TOGARAM1: variants seen among roughly 807,000 people sequenced by gnomAD.
TOGARAM1 encodes TOG array regulator of axonemal microtubules 1, also known as TOG array regulator of axonemal microtubules protein 1.
In TOGARAM1, 100 loss-of-function variants were observed where a neutral mutation model predicts 166.6. The observed-to-expected ratio is 0.60, with a 90% CI of 0.51 to 0.71. The LOEUF (loss-of-function observed/expected upper bound fraction) is 0.71, where lower values mean the gene tolerates loss of function less well. Ranked by LOEUF, TOGARAM1 falls within the 30% of genes least tolerant of loss-of-function variation. The pLI, the probability that TOGARAM1 is intolerant of heterozygous loss-of-function variation, is 0.00. For synonymous variants in TOGARAM1, 758 were observed against 763.8 expected (o/e 0.99, Z 0.13); for missense variants, 2,029 against 2,102.7 (o/e 0.96, Z 0.69).
At position 45,004,295 on chromosome 14, in the gene TOGARAM1, G is replaced by C; in HGVS notation, c.2573G>C (p.Gly858Ala). The C allele has an allele frequency of 1.9e-6, 3 of 1,614,034 alleles. No homozygotes were observed. Among genetic ancestry groups the C allele is most frequent in the Admixed American group, 1.7e-5 (1 of 60,004 alleles). The change falls in exon 4 of 20, where the codon GGA (glycine) becomes GCA (alanine). Residue 858 changes from glycine (G) to alanine (A), a missense_variant. This residue lies in a region of TOGARAM1 where 1,453 missense variants were observed against 1,432.2 expected (regional missense o/e 1.01). Coordinates refer to ENST00000361462, the MANE Select transcript of TOGARAM1 (RefSeq NM_001308120.2). ...TCCTGGCCTCTTAAAAGCTTCGAAG[G>C]ACTATCAAAGCCAAGTCCACAGAAG... ...SNSWPLKSFE[G>A]LSKPSPQKKL...
chr14:45,045,714 TACAC>T (rs1386921181), intron 13 of TOGARAM1, among the ~76,000 whole-genome samples: 3 of 131,738 alleles, frequency 2.3e-5, no homozygotes, highest in East Asian at 4.1e-4. Flanking sequence ...TGTATATATA[TACAC>T]ATATATACAC....
chr14:44,976,603 T>A (rs922763595), intron 1 of TOGARAM1, among the ~76,000 whole-genome samples: 3 of 152,126 alleles, frequency 2.0e-5, no homozygotes, highest in African/African-American at 7.2e-5. Flanking sequence ...TTATCTCAAG[T>A]GTAGATCATT....
At position 44,974,522 on chromosome 14, in the gene TOGARAM1, T is replaced by C. The variant is rs1253230327; in HGVS notation, c.2046+10055T>C. ...TCTAGTTATGATGCTTGTTCTGTCT[T>C]TTCAGACTTTGTTTTTCCCTTTTAC... On this transcript the variant is annotated intron_variant, in intron 1 of 19. Transcript: ENST00000361462. Among the ~76,000 whole-genome samples the C allele has an allele frequency of 4.6e-5, 7 of 152,146 alleles. No homozygotes were observed. The East Asian group carries it at 1.2e-3, about 25-fold the overall frequency.
chr14:45,041,772 G>C (rs1017809931), intron 11 of TOGARAM1, among the ~76,000 whole-genome samples: 2 of 151,922 alleles, frequency 1.3e-5, no homozygotes, highest in Non-Finnish European at 2.9e-5. Flanking sequence ...TTTTGTCTTT[G>C]TTTGTTTGAG....
chr14:45,004,173 C>G lies in TOGARAM1; in HGVS notation c.2451C>G (p.Ser817=), dbSNP rs766119873. 2 of 1,614,046 alleles carry G rather than the reference C, an allele frequency of 1.2e-6. No individual in the cohort carries two copies. The highest frequency in any genetic ancestry group is 1.7e-6 in the Non-Finnish European group (2 of 1,179,980). Reference sequence around the variant, plus strand: ...GTCCAGGAGCTTACATCCTTCCATCCTATCCTGTCTCATCACCTCGAACTA... The same window carrying G: ...GTCCAGGAGCTTACATCCTTCCATCGTATCCTGTCTCATCACCTCGAACTA... ...NPSPGAYILP[S]YPVSSPRTSP... Residue 817 remains serine (S), a synonymous_variant, in exon 4 of 20, where the codon TCC becomes TCG. Coordinates refer to ENST00000361462, the MANE Select transcript of TOGARAM1 (RefSeq NM_001308120.2).
chr14:44,967,423 A>G (rs779001080), intron 1 of TOGARAM1, among the ~76,000 whole-genome samples: 9 of 152,072 alleles, frequency 5.9e-5, no homozygotes, highest in Non-Finnish European at 1.2e-4. Context: ...AAAGTTTAAG[A>G]TTTCGTTACA....
In TOGARAM1 at chr14:45,004,214, C is replaced by A. The variant is rs746338197; in HGVS notation, c.2492C>A (p.Ser831Tyr). 6.2e-7 allele frequency: 1 copy of A among 1,613,936 alleles called. No individual in the cohort carries two copies. Among genetic ancestry groups the A allele is most frequent in the East Asian group, 2.2e-5 (1 of 44,872 alleles). ...CCTCGAACTAGTCCAAAGCATACAT[C>A]TCCTCTTATTATATCTCCAAAGAAG... ...SSPRTSPKHT[S>Y]PLIISPKKSQ... Residue 831 changes from serine to tyrosine, a missense_variant, in exon 4 of 20, where the codon TCT (serine) becomes TAT (tyrosine). Ser to Tyr is a moderately radical substitution (Grantham distance 144). Around this residue, in one of 2 missense-constraint regions of TOGARAM1, gnomAD observed 1,453 missense variants for 1,432.2 expected, o/e 1.01. Transcript: ENST00000361462.
At chr14:45,010,442 G>C (rs28536084) in intron 6 of TOGARAM1, among the ~76,000 whole-genome samples, 7,069 of 152,202 alleles carry the variant, frequency 0.046, 532 homozygotes, top group African/African-American at 0.16. Context: ...TTAGCTTTTA[G>C]AGCTAAAGTC....
At chr14:44,998,068 C>A (rs929384201) in intron 2 of TOGARAM1, among the ~76,000 whole-genome samples, 3 of 152,092 alleles carry the variant, frequency 2.0e-5, no homozygotes, top group African/African-American at 7.2e-5. Context: ...AAACATTGTT[C>A]CCTAGGAGAA....
At chr14:44,996,541 T>C (rs1380370816) in intron 2 of TOGARAM1, 3 of 152,234 alleles carry the variant, frequency 2.0e-5, no homozygotes, top group African/African-American at 7.2e-5. Flanking sequence ...TACTTTTTAC[T>C]CTGAATGAGG....
chr14:44,963,662 C>A lies in TOGARAM1; in HGVS notation c.1241C>A (p.Thr414Lys), dbSNP rs1195915936. 1.2e-6 allele frequency: 2 copies of A among 1,613,332 alleles called. No individual in the cohort carries two copies. Among genetic ancestry groups the A allele is most frequent in the Non-Finnish European group, 1.7e-6 (2 of 1,180,038 alleles). Residue 414 changes from threonine (T) to lysine (K), a missense_variant, in exon 1 of 20, where the codon ACA (threonine) becomes AAA (lysine). Thr to Lys is a moderately conservative substitution (Grantham distance 78). Transcript: ENST00000361462. ...TCTAACTTCAAAGTGGTGCATGGCA[C>A]ACTTGAAGTCCTGCATTTACTGGTT... The part of the protein sequence containing the change: ...DDSNFKVVHG[T>K]LEVLHLLVIR...
intron 16 of TOGARAM1, among the ~76,000 whole-genome samples, chr14:45,055,995 T>A (rs1219954498): frequency 6.6e-6 from 1 of 152,008 alleles, no homozygotes; most frequent in African/African-American, 2.4e-5. Context: ...TTAATTATTC[T>A]GATCCATGAA....
At chr14:45,045,577 ATATATATGTGTGTGTGTGTG>A (rs1365802238) in intron 13 of TOGARAM1, among the ~76,000 whole-genome samples, 22 of 37,518 alleles carry the variant, frequency 5.9e-4, no homozygotes, top group African/African-American at 3.4e-3. Context: ...ATATATATAT[ATATATATGTGTGTGTGTGTG>A]TGTGTGTGTG....
intron 16 of TOGARAM1, among the ~76,000 whole-genome samples, chr14:45,062,748 T>C (rs1162415222): frequency 1.3e-5 from 2 of 152,178 alleles, no homozygotes; most frequent in African/African-American, 4.8e-5. Context: ...TATAGGATAA[T>C]GTAAGTGTTC....
intron 7 of TOGARAM1, among the ~76,000 whole-genome samples, chr14:45,021,646 G>A (rs1880516419): frequency 6.6e-6 from 1 of 152,110 alleles, no homozygotes; most frequent in Admixed American, 6.5e-5. Flanking sequence ...CGAGTGTGAT[G>A]TATCCTAGAC....
chr14:44,992,913 G>T (rs532178721), intron 1 of TOGARAM1, among the ~76,000 whole-genome samples: 2 of 151,120 alleles, frequency 1.3e-5, no homozygotes, highest in South Asian at 4.2e-4. Flanking sequence ...CACCATGCCC[G>T]GCCTAATTTT....
chr14:44,991,731 G>GTT (rs141740822), intron 1 of TOGARAM1, among the ~76,000 whole-genome samples: 15 of 147,086 alleles, frequency 1.0e-4, no homozygotes, highest in African/African-American at 3.2e-4. Flanking sequence ...ATTTATTTTT[G>GTT]TTTTTTTTTT....
rs1435718192 is a variant in TOGARAM1, at chr14:45,044,764, G to C, written c.4048G>C (p.Glu1350Gln). 1 of 1,613,918 alleles carries C rather than the reference G, an allele frequency of 6.2e-7. No homozygotes were observed. Among genetic ancestry groups the C allele is most frequent in the Non-Finnish European group, 8.5e-7 (1 of 1,179,984 alleles). Residue 1350 changes from glutamate to glutamine, a missense_variant, in exon 13 of 20, where the codon GAA (glutamate) becomes CAA (glutamine). This residue lies in a region of TOGARAM1 where 576 missense variants were observed against 670.5 expected (regional missense o/e 0.86). Coordinates refer to ENST00000361462, the MANE Select transcript of TOGARAM1 (RefSeq NM_001308120.2). ...AAAAGTTTTGTTGCACAAGGCTGGT[G>C]AATCAAATACATTTATAAGAGAAGA... is the stretch of plus-strand genomic sequence containing the variant. ...TVKVLLHKAG[E>Q]SNTFIREDVD...
At chr14:44,978,935 G>T (rs1886370998) in intron 1 of TOGARAM1, among the ~76,000 whole-genome samples, 1 of 151,268 alleles carries the variant, frequency 6.6e-6, no homozygotes, top group South Asian at 2.1e-4. Context: ...GGAGTTCAAG[G>T]CCAGACTAGT....
Sources: allele counts gnomAD v4.1 joint callset (sites outside exome capture counted in the v4.1 genomes callset), GRCh38; gene constraint gnomAD v4.1.1; regional missense constraint gnomAD v4.1.1; transcripts MANE v1.5; gene names NCBI Gene and HGNC (gene_info 2026-07-23, HGNC 2026-07-21).